STAT4: variants seen among roughly 807,000 people sequenced by gnomAD.
STAT4 encodes the protein signal transducer and activator of transcription 4.
In STAT4, 42 loss-of-function variants were observed where a neutral mutation model predicts 110.5. That is an observed-to-expected ratio of 0.38 (90% CI 0.30 to 0.49). STAT4 has a LOEUF of 0.49. Ranked by LOEUF, STAT4 falls within the 20% of genes least tolerant of loss-of-function variation. The probability of loss-of-function intolerance (pLI) is 0.95; values close to 1 mark genes in which losing one functional copy is unlikely to be tolerated. For synonymous variants in STAT4, 284 were observed against 302.2 expected (o/e 0.94, Z 0.63); for missense variants, 632 against 887.9 (o/e 0.71, Z 3.66).
intron 16 of STAT4, 116 bp from the exon 17 acceptor site, chr2:191,036,415 G>A: frequency 9.1e-7 from 1 of 1,098,928 alleles, no homozygotes; most frequent in Non-Finnish European, 1.3e-6. Flanking sequence ...GGAGTGTTGG[G>A]TGACTATTAG....
chr2:191,107,953 T>C lies in STAT4; in HGVS notation c.274-31628A>G, dbSNP rs1184408499. Among the ~76,000 whole-genome samples the C allele has an allele frequency of 6.6e-6, 1 of 152,138 alleles. No homozygotes were observed. The highest frequency in any genetic ancestry group is 1.5e-5 in the Non-Finnish European group (1 of 68,020). ...AGTAATTTTCATGATCTCTGAAAACTATTACTATAATCCTTGAAGCACACC... is the reference window on the plus strand; with the variant it reads ...AGTAATTTTCATGATCTCTGAAAACCATTACTATAATCCTTGAAGCACACC... On this transcript the variant is annotated intron_variant, in intron 3 of 23. Coordinates refer to ENST00000392320, the MANE Select transcript of STAT4 (RefSeq NM_003151.4). This position sits in a 1 kb window ranked among gnomAD's most constrained non-coding sequence, Gnocchi z 4.2.
chr2:191,031,089 G>A lies in STAT4; in HGVS notation c.2112-9C>T. The stretch of plus-strand genomic sequence containing the variant: ...CTGTTGAATCACTTCGGCTTAAAGA[G>A]ATAACAAGGTCAATATGGACAAGGA... On this transcript the variant is annotated splice_polypyrimidine_tract_variant and intron_variant, in intron 22 of 23. Transcript: ENST00000392320. The surrounding 1 kb of genome is among the most constrained non-coding windows in gnomAD (Gnocchi z 4.8). The A allele has an allele frequency of 1.2e-6, 2 of 1,612,952 alleles. No individual in the cohort carries two copies. The highest frequency in any genetic ancestry group is 1.7e-6 in the Non-Finnish European group (2 of 1,178,954).
At chr2:191,108,808 C>A (rs930618165) in intron 3 of STAT4, among the ~76,000 whole-genome samples, 2 of 152,176 alleles carry the variant, frequency 1.3e-5, no homozygotes, top group African/African-American at 2.4e-5. Flanking sequence ...CTAATGGAAA[C>A]CTCCCTAAAT....
chr2:191,130,987 G>GA (rs1699021262), intron 3 of STAT4, among the ~76,000 whole-genome samples: 1 of 151,582 alleles, frequency 6.6e-6, no homozygotes, highest in East Asian at 1.9e-4. Flanking sequence ...AGTAAAGTTA[G>GA]AAAAAATTAG....
At chr2:191,139,171 C>T (rs1020892412) in intron 3 of STAT4, among the ~76,000 whole-genome samples, 7 of 151,876 alleles carry the variant, frequency 4.6e-5, no homozygotes, top group Non-Finnish European at 8.8e-5. Flanking sequence ...TGAAAGCATT[C>T]CCCCCGAGAG....
At chr2:191,036,428 G>T in intron 16 of STAT4, 129 bp from the exon 17 acceptor site, 4 of 944,214 alleles carry the variant, frequency 4.2e-6, no homozygotes, top group South Asian at 1.7e-5. Flanking sequence ...ACTATTAGGT[G>T]ATAGTCAGGC....
rs1255451888 is a variant in STAT4, at chr2:191,150,491, A to G, written c.-2+456T>C. 6.6e-6 allele frequency among the ~76,000 whole-genome samples: 1 copy of G among 152,202 alleles called. No homozygotes were observed. Among genetic ancestry groups the G allele is most frequent in the African/African-American group, 2.4e-5 (1 of 41,442 alleles). On this transcript the variant is annotated intron_variant, in intron 1 of 23. Coordinates refer to ENST00000392320, the MANE Select transcript of STAT4 (RefSeq NM_003151.4). The surrounding 1 kb of genome is among the most constrained non-coding windows in gnomAD (Gnocchi z 6.4). Reference sequence around the variant, plus strand: ...TTTGGCTCTGTGGCCTGTAGCTTGCAAAAGGAGATGACCTGCCCTAAAATG... The same window carrying G: ...TTTGGCTCTGTGGCCTGTAGCTTGCGAAAGGAGATGACCTGCCCTAAAATG...
At chr2:191,040,693 C>G (rs1696168767) in intron 15 of STAT4, among the ~76,000 whole-genome samples, 5 of 152,178 alleles carry the variant, frequency 3.3e-5, no homozygotes, top group Admixed American at 3.3e-4. Context: ...TCCTGAGTAG[C>G]TGGGACTACA....
At chr2:191,123,206 A>AC (rs1247136181) in intron 3 of STAT4, among the ~76,000 whole-genome samples, 2 of 152,156 alleles carry the variant, frequency 1.3e-5, no homozygotes, top group Admixed American at 1.3e-4. Context: ...TTGTTTGAGG[A>AC]ACTTCAAGAT....
In STAT4 at chr2:191,037,350, C is replaced by T. The variant is rs376891546; in HGVS notation, c.1435-1051G>A. ...AAAAACAAAAACAGAGAAATGATCT[C>T]GCTCTGTTGCTCAAGCTGGACTTGA... On this transcript the variant is annotated intron_variant, in intron 16 of 23. Transcript: ENST00000392320. This position sits in a 1 kb window ranked among gnomAD's most constrained non-coding sequence, Gnocchi z 4.8. 1.6e-4 allele frequency among the ~76,000 whole-genome samples: 24 copies of T among 152,240 alleles called. No individual in the cohort carries two copies. Among genetic ancestry groups the T allele is most frequent in the East Asian group, 1.2e-3 (6 of 5,160 alleles).
chr2:191,048,269 C>A (rs1331710411), intron 14 of STAT4, among the ~76,000 whole-genome samples: 1 of 152,146 alleles, frequency 6.6e-6, no homozygotes, highest in Non-Finnish European at 1.5e-5. Context: ...AATTGTGAGG[C>A]ACATTTAGAA....
intron 5 of STAT4, 113 bp from the exon 6 acceptor site, chr2:191,069,884 C>G: frequency 2.6e-6 from 2 of 758,642 alleles, no homozygotes; most frequent in South Asian, 3.5e-5. Flanking sequence ...CAACAGCAAC[C>G]AAAGACCATA....
At chr2:191,074,122 C>A (rs1372604805) in intron 4 of STAT4, among the ~76,000 whole-genome samples, 2 of 152,108 alleles carry the variant, frequency 1.3e-5, no homozygotes, top group African/African-American at 4.8e-5. Context: ...AAAATGTTAG[C>A]CTGGTTAAGC....
In STAT4 at chr2:191,055,700, A is replaced by G. The variant is rs558513262; in HGVS notation, c.1207-1166T>C. ...TTTTGTATTAAAAAGCAAAGTTATT[A>G]TGCAGAAGATAACCAATGTGAAAAC... On this transcript the variant is annotated intron_variant, in intron 13 of 23. Coordinates refer to ENST00000392320, the MANE Select transcript of STAT4 (RefSeq NM_003151.4). Among the ~76,000 whole-genome samples the G allele has an allele frequency of 2.0e-3, 309 of 152,348 alleles. 3 individuals carry two copies. The highest frequency in any genetic ancestry group is 7.0e-3 in the African/African-American group (290 of 41,584).
chr2:191,130,160 G>C (rs1423476908), intron 3 of STAT4, among the ~76,000 whole-genome samples: 1 of 150,860 alleles, frequency 6.6e-6, no homozygotes, highest in African/African-American at 2.4e-5. Context: ...TTGAAGTTCT[G>C]TGAAGAAATT....
chr2:191,030,589 G>C lies in STAT4; in HGVS notation c.2220+383C>G, dbSNP rs989488625. 5.3e-5 allele frequency among the ~76,000 whole-genome samples: 8 copies of C among 152,118 alleles called. No homozygotes were observed. The highest frequency in any genetic ancestry group is 3.9e-4 in the Admixed American group (6 of 15,280). On this transcript the variant is annotated intron_variant, in intron 23 of 23. Coordinates refer to ENST00000392320, the MANE Select transcript of STAT4 (RefSeq NM_003151.4). This position sits in a 1 kb window ranked among gnomAD's most constrained non-coding sequence, Gnocchi z 4.4. The stretch of plus-strand genomic sequence containing the variant: ...GGGTTTACTAGATAGTAAGTAACTA[G>C]TAAACTAGATAGTATACTAGGTTTA...
chr2:191,048,994 T>C (rs1170985318), intron 14 of STAT4, among the ~76,000 whole-genome samples: 1 of 151,588 alleles, frequency 6.6e-6, no homozygotes, highest in East Asian at 1.9e-4. Flanking sequence ...TTGGAAAATC[T>C]GCTAAGAAAC....
At chr2:191,132,445 T>C (rs1306417701) in intron 3 of STAT4, among the ~76,000 whole-genome samples, 2 of 151,760 alleles carry the variant, frequency 1.3e-5, no homozygotes, top group Non-Finnish European at 2.9e-5. Context: ...TGATGAAATC[T>C]AGGCAATTCA....
intron 3 of STAT4, among the ~76,000 whole-genome samples, chr2:191,115,409 G>A (rs1698545217): frequency 1.3e-5 from 2 of 152,202 alleles, no homozygotes; most frequent in African/African-American, 4.8e-5. Flanking sequence ...CAACCTTGGT[G>A]TCTCACCCTA....
Sources: allele counts gnomAD v4.1 joint callset (sites outside exome capture counted in the v4.1 genomes callset), GRCh38; gene constraint gnomAD v4.1.1; non-coding constraint Gnocchi (gnomAD v3.1); transcripts MANE v1.5; gene names NCBI Gene and HGNC (gene_info 2026-07-23, HGNC 2026-07-21).